FREM1: variants seen among roughly 807,000 people sequenced by gnomAD.
The protein encoded by FREM1 is FRAS1 related extracellular matrix 1.
A neutral mutation model predicts 210.1 loss-of-function variants in FREM1; 220 were observed. The observed-to-expected ratio is 1.05, with a 90% CI of 0.94 to 1.17. The LOEUF is 1.17. FREM1 is among the 50% of genes most tolerant of loss of function. The probability of loss-of-function intolerance (pLI) is 0.00; values close to 1 mark genes in which losing one functional copy is unlikely to be tolerated. For synonymous variants in FREM1, 1,189 were observed against 980.2 expected (o/e 1.21, Z -3.98); for missense variants, 3,454 against 2,675.5 (o/e 1.29, Z -6.42).
chr9:14,809,664 T>C (rs752824976), intron 16 of FREM1, among the ~76,000 whole-genome samples: 1 of 152,208 alleles, frequency 6.6e-6, no homozygotes, highest in Non-Finnish European at 1.5e-5. Context: ...GGCTTAAAAA[T>C]GTGTTCATTA....
chr9:14,833,540 A>G (rs550826432), intron 10 of FREM1, among the ~76,000 whole-genome samples: 57 of 152,274 alleles, frequency 3.7e-4, no homozygotes, highest in African/African-American at 1.3e-3. Flanking sequence ...CTTTGAAAAT[A>G]CCTTGCACAC....
At chr9:14,818,081 T>A (rs1436299327) in intron 14 of FREM1, among the ~76,000 whole-genome samples, 1 of 152,212 alleles carries the variant, frequency 6.6e-6, no homozygotes, top group Non-Finnish European at 1.5e-5. Flanking sequence ...TGCTTAGTTC[T>A]TCAATTAAAA....
chr9:14,841,910 G>A (rs187094843), intron 9 of FREM1, among the ~76,000 whole-genome samples: 24 of 152,032 alleles, frequency 1.6e-4, no homozygotes, highest in African/African-American at 4.8e-4. Flanking sequence ...GTCAAACTCC[G>A]GATCTACCTA....
intron 27 of FREM1, among the ~76,000 whole-genome samples, chr9:14,768,456 G>A (rs947515230): frequency 6.6e-6 from 1 of 151,874 alleles, no homozygotes; most frequent in African/African-American, 2.4e-5. Context: ...AATGGGTGGA[G>A]GTCATATGTT....
intron 27 of FREM1, among the ~76,000 whole-genome samples, chr9:14,769,451 C>A (rs1399082289): frequency 6.6e-6 from 1 of 152,150 alleles, no homozygotes; most frequent in Non-Finnish European, 1.5e-5. Context: ...ACAGAACCCT[C>A]CCTGTGTATA....
chr9:14,860,727 A>ATGCACATATATATGCACATATATG (rs1461134170), intron 3 of FREM1, among the ~76,000 whole-genome samples: 3 of 120,108 alleles, frequency 2.5e-5, no homozygotes, highest in African/African-American at 1.1e-4. Context: ...ACACATATAT[A>ATGCACATATATATGCACATATATG]CACATATATA....
chr9:14,769,612 C>A (rs1328659266), intron 27 of FREM1, 112 bp downstream of exon 27: 1 of 1,103,964 alleles, frequency 9.1e-7, no homozygotes. Context: ...GTGAAATGGT[C>A]TATTAATTTA....
chr9:14,890,679 A>T (rs1363458341), intron 1 of FREM1, among the ~76,000 whole-genome samples: 1 of 152,214 alleles, frequency 6.6e-6, no homozygotes, highest in African/African-American at 2.4e-5. Context: ...TATACCTAAT[A>T]AGTCTACTTC....
intron 24 of FREM1, among the ~76,000 whole-genome samples, chr9:14,782,866 A>G (rs565126374): frequency 6.6e-6 from 1 of 152,334 alleles, no homozygotes; most frequent in South Asian, 2.1e-4. Context: ...AAAGAAGAGG[A>G]AACAAGAGCA....
Position 14,792,057 on chromosome 9 carries a change from A to C in FREM1, c.3981+686T>G, listed in dbSNP as rs575218186. Among the ~76,000 whole-genome samples, 165 of 152,134 alleles carry C rather than the reference A, an allele frequency of 1.1e-3. 1 individual carries two copies. The highest frequency in any genetic ancestry group is 3.4e-3 in the African/African-American group (140 of 41,504). ...ATGGGGTTTCACCACGTTGGCCAGG[A>C]TGGTCTTGATCTCCTGACCTTGTGA... On this transcript the variant is annotated intron_variant, in intron 22 of 36. Transcript: ENST00000380880.
intron 1 of FREM1, among the ~76,000 whole-genome samples, chr9:14,907,400 T>C (rs1427612388): frequency 6.6e-6 from 1 of 152,200 alleles, no homozygotes; most frequent in Non-Finnish European, 1.5e-5. Flanking sequence ...CAAAGATGTC[T>C]GTTTAAGCCT....
chr9:14,784,299 A>G (rs1850072045), intron 24 of FREM1, 71 bp downstream of exon 24: 1 of 1,405,258 alleles, frequency 7.1e-7, no homozygotes, highest in African/African-American at 1.4e-5. Flanking sequence ...ATAGTGAAGC[A>G]CATTAACAGA....
chr9:14,866,007 C>A (rs1311459088), intron 2 of FREM1, among the ~76,000 whole-genome samples: 1 of 152,112 alleles, frequency 6.6e-6, no homozygotes, highest in African/African-American at 2.4e-5. Flanking sequence ...AGATATAAAT[C>A]CCATACCGAC....
intron 13 of FREM1, among the ~76,000 whole-genome samples, chr9:14,822,618 C>T (rs1216685951): frequency 3.3e-5 from 5 of 152,170 alleles, no homozygotes; most frequent in African/African-American, 1.2e-4. Context: ...CAAATCCCAG[C>T]TTCCCAGAAA....
chr9:14,809,207 G>A (rs1404197433), intron 16 of FREM1, among the ~76,000 whole-genome samples: 7 of 152,260 alleles, frequency 4.6e-5, no homozygotes, highest in Admixed American at 2.0e-4. Flanking sequence ...GAGGTGACTT[G>A]CTCCTCCTTG....
At chr9:14,778,576 C>A (rs572417318) in intron 24 of FREM1, among the ~76,000 whole-genome samples, 2 of 141,496 alleles carry the variant, frequency 1.4e-5, no homozygotes, top group South Asian at 4.8e-4. Context: ...CCACCGCACT[C>A]CAGCCTGGGC....
Position 14,836,807 on chromosome 9 carries a change from AG to A in FREM1, c.1881+4639del, listed in dbSNP as rs1824701246. Among the ~76,000 whole-genome samples the A allele has an allele frequency of 6.6e-6, 1 of 152,224 alleles. No homozygotes were observed. The highest frequency in any genetic ancestry group is 1.5e-5 in the Non-Finnish European group (1 of 68,030). On this transcript the variant is annotated intron_variant, in intron 10 of 36. Transcript: ENST00000380880. The surrounding 1 kb of genome is among the most constrained non-coding windows in gnomAD (Gnocchi z 4.9). ...TCCCCATTCAACGCCCCTTTTAAGT[AG>A]GAAGTAGCCAGAAAGAGTCTTCGCC...
intron 3 of FREM1, among the ~76,000 whole-genome samples, chr9:14,862,686 CTG>C (rs1372974174): frequency 6.6e-6 from 1 of 152,184 alleles, no homozygotes; most frequent in Non-Finnish European, 1.5e-5. Context: ...CTCTCCGTCT[CTG>C]TGAATTTGCC....
chr9:14,907,957 A>G (rs1818066885), intron 1 of FREM1, among the ~76,000 whole-genome samples: 1 of 152,176 alleles, frequency 6.6e-6, no homozygotes, highest in Non-Finnish European at 1.5e-5. Context: ...TTGAAACACC[A>G]TGAGGACAAG....
Sources: gnomAD v4.1 joint callset for allele counts (sites outside exome capture counted in the v4.1 genomes callset) on GRCh38, gnomAD v4.1.1 for gene constraint, Gnocchi (gnomAD v3.1) non-coding constraint, MANE v1.5 for transcripts, NCBI Gene and HGNC (gene_info 2026-07-23, HGNC 2026-07-21) for gene names.